The following PARD3 variants were observed in gnomAD, a reference collection of about 807,000 sequenced individuals.
PARD3 encodes the protein par-3 family cell polarity regulator.
PARD3 carries 75 observed loss-of-function variants against 155.4 expected under a neutral mutation model. That is an observed-to-expected ratio of 0.48 (90% CI 0.40 to 0.58). The LOEUF (loss-of-function observed/expected upper bound fraction) is 0.58. PARD3 is among the 20% of genes least tolerant of loss of function. PARD3 has a pLI of 0.00. For missense variants in PARD3, 1,642 were observed against 1,721.7 expected (o/e 0.95, Z 0.82); for synonymous variants, 576 against 610.5 (o/e 0.94, Z 0.83).
At chr10:34,527,999 A>G (rs1460089108) in intron 2 of PARD3, among the ~76,000 whole-genome samples, 1 of 152,216 alleles carries the variant, frequency 6.6e-6, no homozygotes, top group Admixed American at 6.5e-5. Context: ...GTTTATTCAA[A>G]AAGTAACTAA....
intron 5 of PARD3, among the ~76,000 whole-genome samples, chr10:34,443,831 G>A (rs1441556759): frequency 1.3e-5 from 2 of 152,080 alleles, no homozygotes; most frequent in African/African-American, 2.4e-5. Flanking sequence ...TGCAGAAAGT[G>A]ACAAAGGTAT....
At chr10:34,156,266 T>G (rs994391666) in intron 22 of PARD3, among the ~76,000 whole-genome samples, 1 of 151,998 alleles carries the variant, frequency 6.6e-6, no homozygotes, top group Non-Finnish European at 1.5e-5. Flanking sequence ...AGCCACTAAT[T>G]TTTTCATATT....
intron 1 of PARD3, among the ~76,000 whole-genome samples, chr10:34,744,378 A>G (rs1835042003): frequency 1.3e-5 from 2 of 152,216 alleles, no homozygotes; most frequent in African/African-American, 2.4e-5. Flanking sequence ...AGTTAATCCA[A>G]TATTTGGTCG....
At chr10:34,364,538 T>C (rs1839779657) in intron 12 of PARD3, among the ~76,000 whole-genome samples, 1 of 152,076 alleles carries the variant, frequency 6.6e-6, no homozygotes, top group African/African-American at 2.4e-5. Flanking sequence ...CAAGTGATTA[T>C]CCCGCCCTCA....
intron 14 of PARD3, among the ~76,000 whole-genome samples, chr10:34,349,267 C>T (rs938454596): frequency 4.6e-5 from 7 of 152,026 alleles, no homozygotes; most frequent in East Asian, 3.9e-4. Context: ...AATGAAGTTT[C>T]GAATTGTAGA....
At chr10:34,293,217 T>A (rs1041647206) in intron 20 of PARD3, among the ~76,000 whole-genome samples, 8 of 152,236 alleles carry the variant, frequency 5.3e-5, no homozygotes, top group African/African-American at 1.9e-4. Context: ...AGAAGATGAG[T>A]GAAAGCATAT....
chr10:34,607,065 C>T (rs1048878170), intron 2 of PARD3, among the ~76,000 whole-genome samples: 2 of 151,704 alleles, frequency 1.3e-5, no homozygotes, highest in Non-Finnish European at 1.5e-5. Flanking sequence ...TGAGAGGCCA[C>T]GTTGAGAAAT....
At chr10:34,400,401 G>A (rs1009773445) in intron 6 of PARD3, among the ~76,000 whole-genome samples, 1 of 152,144 alleles carries the variant, frequency 6.6e-6, no homozygotes. Context: ...TGAGTTTAAT[G>A]AAAATTTGTA....
At chr10:34,416,390 CA>C (rs1845680113) in intron 5 of PARD3, among the ~76,000 whole-genome samples, 1 of 152,084 alleles carries the variant, frequency 6.6e-6, no homozygotes. Flanking sequence ...ATAAGGAGGG[CA>C]GGGGGGACTT....
rs61461165 is a variant in PARD3, at chr10:34,480,794, C to CTT, written c.404-10533_404-10532dup. Among the ~76,000 whole-genome samples the CTT allele has an allele frequency of 6.6e-3, 835 of 125,762 alleles. 18 individuals carry two copies. The highest frequency in any genetic ancestry group is 0.021 in the African/African-American group (693 of 32,718). 82.5% of individuals were successfully genotyped at this position (125,762 alleles called of 152,430 possible). A position where few individuals can be genotyped will look rare whatever the true frequency, so the allele number is the denominator to read the frequency against. ...GGGGTACATCTGCAGGTTTCTTTTT[C>CTT]TTTTTTTTTTTTTTTTTTTCTTTTT... On this transcript the variant is annotated intron_variant, in intron 3 of 24. Transcript: ENST00000374788.
chr10:34,600,892 T>C (rs908544749), intron 2 of PARD3, among the ~76,000 whole-genome samples: 3 of 151,620 alleles, frequency 2.0e-5, no homozygotes, highest in Admixed American at 2.0e-4. Flanking sequence ...GCTCAAGTGA[T>C]AATTCCCACC....
intron 21 of PARD3, among the ~76,000 whole-genome samples, chr10:34,275,643 T>C (rs191530400): frequency 1.2e-4 from 18 of 152,336 alleles, no homozygotes; most frequent in African/African-American, 4.3e-4. Context: ...ATTTGCATGT[T>C]ATGTATTTCC....
chr10:34,620,658 CTCACAG>C (rs2091608874), intron 2 of PARD3, among the ~76,000 whole-genome samples: 1 of 152,170 alleles, frequency 6.6e-6, no homozygotes, highest in Admixed American at 6.5e-5. Flanking sequence ...GCTTAAACCT[CTCACAG>C]ATAAATAGAT....
chr10:34,556,805 C>G (rs532652467), intron 2 of PARD3, among the ~76,000 whole-genome samples: 2 of 152,236 alleles, frequency 1.3e-5, no homozygotes, highest in East Asian at 3.9e-4. Flanking sequence ...CAAACCGTTT[C>G]CTTTCCCCTA....
intron 3 of PARD3, among the ~76,000 whole-genome samples, chr10:34,484,241 T>C (rs1312993892): frequency 1.3e-5 from 2 of 152,222 alleles, no homozygotes; most frequent in Non-Finnish European, 1.5e-5. Context: ...CACATGTTCA[T>C]GAATGAGCAC....
At chr10:34,479,604 T>C (rs1283435635) in intron 3 of PARD3, among the ~76,000 whole-genome samples, 1 of 152,174 alleles carries the variant, frequency 6.6e-6, no homozygotes, top group East Asian at 1.9e-4. Context: ...ACCCAATGTT[T>C]AGCCCCTACA....
chr10:34,435,514 G>T lies in PARD3; in HGVS notation c.714+14803C>A, dbSNP rs1032976107. Reference sequence around the variant, plus strand: ...CAACAACCTTTCATGGTATGAGAAAGGTTACAAATGAGACACTAATATCTG... The same window carrying T: ...CAACAACCTTTCATGGTATGAGAAATGTTACAAATGAGACACTAATATCTG... On this transcript the variant is annotated intron_variant, in intron 5 of 24. Coordinates refer to ENST00000374788, the MANE Select transcript of PARD3 (RefSeq NM_001184785.2). Among the ~76,000 whole-genome samples the T allele has an allele frequency of 2.6e-5, 4 of 152,150 alleles. No individual in the cohort carries two copies. The South Asian group carries it at 6.2e-4, about 24-fold the overall frequency.
At chr10:34,355,958 C>CAAAAAAAAAAAAAAAAAAA (rs1491326864) in intron 14 of PARD3, among the ~76,000 whole-genome samples, 2 of 116,196 alleles carry the variant, frequency 1.7e-5, no homozygotes, top group Non-Finnish European at 3.2e-5. Context: ...AAAACAAAAC[C>CAAAAAAAAAAAAAAAAAAA]AAACAAAAAA....
intron 20 of PARD3, chr10:34,312,385 A>C (rs1192537240): frequency 1.2e-6 from 2 of 1,612,548 alleles, no homozygotes; most frequent in Non-Finnish European, 1.7e-6. Context: ...TGGCAAGGCT[A>C]AATGAGAGAC....
Sources: allele counts gnomAD v4.1 joint callset (sites outside exome capture counted in the v4.1 genomes callset), GRCh38; gene constraint gnomAD v4.1.1; transcripts MANE v1.5; gene names NCBI Gene and HGNC (gene_info 2026-07-23, HGNC 2026-07-21).